Variants in PARVB observed in about 807,000 individuals in gnomAD.
The protein encoded by PARVB is beta-parvin.
Under a neutral mutation model 47.0 loss-of-function variants are expected in PARVB, and 46 were observed. The ratio of observed to expected loss-of-function variants is 0.98; its 90% CI spans 0.77 to 1.25. PARVB has a LOEUF of 1.25. PARVB is among the 50% of genes most tolerant of loss of function. PARVB has a pLI of 0.00. For missense variants in PARVB, 473 were observed against 471.6 expected, an observed-to-expected ratio of 1.00 and a Z score of -0.03; for synonymous variants, 196 against 196.3, an observed-to-expected ratio of 1.00 and a Z score of 0.01.
intron 2 of PARVB, among the ~76,000 whole-genome samples, chr22:44,099,047 A>C (rs764927299): frequency 6.6e-6 from 1 of 152,050 alleles, no homozygotes; most frequent in Non-Finnish European, 1.5e-5. Flanking sequence ...GGGCTCTGGG[A>C]CCCTGGTCTC....
chr22:44,035,797 CTTT>C (rs879538236), intron 1 of PARVB, among the ~76,000 whole-genome samples: 1 of 142,936 alleles, frequency 7.0e-6, no homozygotes, highest in Admixed American at 7.0e-5. Context: ...AAACAGATCA[CTTT>C]TTTTTTTTTT....
chr22:44,156,347 G>A (rs928713132), intron 10 of PARVB, among the ~76,000 whole-genome samples: 4 of 144,832 alleles, frequency 2.8e-5, no homozygotes, highest in Non-Finnish European at 4.5e-5. Flanking sequence ...TGGCGCGATC[G>A]CGGCTCACTG....
At chr22:44,018,717 C>T (rs150627322) in intron 2 of PARVB, among the ~76,000 whole-genome samples, 39 of 152,270 alleles carry the variant, frequency 2.6e-4, no homozygotes, top group Non-Finnish European at 5.4e-4. Context: ...TGGCCACCTC[C>T]TTCCTTGCAC....
At chr22:44,029,632 C>G (rs2050789015) in intron 1 of PARVB, among the ~76,000 whole-genome samples, 1 of 151,906 alleles carries the variant, frequency 6.6e-6, no homozygotes, top group Non-Finnish European at 1.5e-5. Context: ...AAAAATTAGC[C>G]AGGCGTGGTG....
chr22:44,161,825 C>T (rs528733215), intron 11 of PARVB, among the ~76,000 whole-genome samples: 11 of 152,344 alleles, frequency 7.2e-5, no homozygotes, highest in Admixed American at 2.0e-4. Context: ...CCGCACGGGC[C>T]GTCCTCACTC....
intron 1 of PARVB, chr22:44,069,113 G>T: frequency 6.2e-7 from 1 of 1,611,652 alleles, no homozygotes; most frequent in Admixed American, 1.7e-5. Context: ...TCCGACGTCC[G>T]CCGGCTGTGC....
At chr22:44,035,373 T>TC (rs536772223) in intron 1 of PARVB, among the ~76,000 whole-genome samples, 28,047 of 142,932 alleles carry the variant, frequency 0.2, 3,271 homozygotes, top group Non-Finnish European at 0.26. Flanking sequence ...TTTTCCTTTT[T>TC]TTTTTTTTTT....
intron 1 of PARVB, among the ~76,000 whole-genome samples, chr22:44,061,439 A>T (rs1216546032): frequency 1.3e-5 from 2 of 151,476 alleles, no homozygotes; most frequent in African/African-American, 2.4e-5. Context: ...TCAAAAACAA[A>T]ACAAAACAAA....
rs923581235 is a variant in PARVB at position 44,103,223 on chromosome 22, A to G, written c.273+3100A>G. On this transcript the variant is annotated intron_variant, in intron 3 of 12. Transcript: ENST00000338758. This position sits in a 1 kb window ranked among gnomAD's most constrained non-coding sequence, Gnocchi z 4.6. ...TGGACTGATGGGAAAGCTAATTAGC[A>G]TCCTTTGGGGCAAAGTACAACTATG... The G allele has an allele frequency of 6.6e-6, 1 of 152,276 alleles. No homozygotes were observed. Among genetic ancestry groups the G allele is most frequent in the African/African-American group, 2.4e-5 (1 of 41,454 alleles). 9.4% of individuals were successfully genotyped at this position (152,276 alleles called of 1,614,324 possible). A position where few individuals can be genotyped will look rare whatever the true frequency, so the allele number is the denominator to read the frequency against.
chr22:44,008,303 G>A (rs2050487590), intron 2 of PARVB, among the ~76,000 whole-genome samples: 1 of 152,146 alleles, frequency 6.6e-6, no homozygotes. Context: ...TAGAGATGGG[G>A]TTTCACATGT....
chr22:44,041,258 G>A (rs1157658231), intron 1 of PARVB, among the ~76,000 whole-genome samples: 4 of 152,004 alleles, frequency 2.6e-5, no homozygotes, highest in South Asian at 2.1e-4. Flanking sequence ...TTGGGAGGCC[G>A]AGGCGGGTGG....
At position 44,131,638 on chromosome 22, in the gene PARVB, C is replaced by A; in HGVS notation, c.517+11C>A. 6.2e-7 allele frequency: 1 copy of A among 1,605,598 alleles called. No homozygotes were observed. Among genetic ancestry groups the A allele is most frequent in the Admixed American group, 1.7e-5 (1 of 58,276 alleles). ...GGTGGAGCGTGGACTGTGAGTTCCA[C>A]GCCACAGGGGGAGGGACTGTCTGGA... is the stretch of plus-strand genomic sequence containing the variant. On this transcript the variant is annotated intron_variant, in intron 5 of 12. Coordinates refer to ENST00000338758, the MANE Select transcript of PARVB (RefSeq NM_013327.5).
intron 11 of PARVB, among the ~76,000 whole-genome samples, chr22:44,162,137 T>G (rs2054067504): frequency 6.6e-6 from 1 of 152,246 alleles, no homozygotes; most frequent in African/African-American, 2.4e-5. Context: ...ACAGGCCGTG[T>G]GCACTGTGGA....
At chr22:44,061,773 C>T (rs1051630615) in intron 1 of PARVB, among the ~76,000 whole-genome samples, 1 of 152,062 alleles carries the variant, frequency 6.6e-6, no homozygotes, top group Non-Finnish European at 1.5e-5. Flanking sequence ...CGCACTACCA[C>T]ACCCAGCTAA....
chr22:44,136,436 G>T (rs1278924755), intron 6 of PARVB, 24 bp from the exon 7 acceptor site: 1 of 1,611,404 alleles, frequency 6.2e-7, no homozygotes, highest in Admixed American at 1.7e-5. Flanking sequence ...GCCTGATTTT[G>T]TATGTTTATT....
At position 44,131,616 on chromosome 22, in the gene PARVB, G is replaced by A. The variant is rs1020611888; in HGVS notation, c.506G>A (p.Trp169Ter). 3 of 1,613,290 alleles carry A rather than the reference G, an allele frequency of 1.9e-6. No individual in the cohort carries two copies. Among genetic ancestry groups the A allele is most frequent in the African/African-American group, 1.3e-5 (1 of 74,922 alleles). ...LLRPRGWALR[W>*]SVDSIHGKNL... is the part of the protein sequence containing the mutation. ...CGGCCCCGAGGCTGGGCGCTCCGGT[G>A]GAGCGTGGACTGTGAGTTCCACGCC... Residue 169 changes from tryptophan to a stop codon, truncating the protein, a stop_gained, in exon 5 of 13, where the codon TGG becomes TAG. Transcript: ENST00000338758. LOFTEE classifies it high-confidence loss of function.
At chr22:44,135,371 G>A (rs1458179319) in intron 6 of PARVB, among the ~76,000 whole-genome samples, 1 of 152,052 alleles carries the variant, frequency 6.6e-6, no homozygotes, top group African/African-American at 2.4e-5. Flanking sequence ...TGATTCTCCT[G>A]CCTCAGCCTC....
At chr22:44,112,328 T>A (rs1341268596) in intron 3 of PARVB, 1 of 151,858 alleles carries the variant, frequency 6.6e-6, no homozygotes, top group African/African-American at 2.4e-5. Flanking sequence ...CTGGGGGGAA[T>A]ACCCTGACCC....
intron 1 of PARVB, chr22:44,086,769 G>A (rs1010890844): frequency 9.1e-6 from 9 of 985,472 alleles, no homozygotes; most frequent in Admixed American, 1.2e-4. Flanking sequence ...GCCTGATGAA[G>A]TTAGTTATTC....
Sources: gnomAD v4.1 joint callset for allele counts (sites outside exome capture counted in the v4.1 genomes callset) on GRCh38, gnomAD v4.1.1 for gene constraint, Gnocchi (gnomAD v3.1) non-coding constraint, MANE v1.5 for transcripts, NCBI Gene and HGNC (gene_info 2026-07-23, HGNC 2026-07-21) for gene names.